Variants in CFH observed in about 807,000 individuals in gnomAD.
CFH encodes H factor 1 (complement).
A neutral mutation model predicts 147.3 loss-of-function variants in CFH; 53 were observed. The observed-to-expected ratio is 0.36, with a 90% CI of 0.29 to 0.45. The LOEUF (loss-of-function observed/expected upper bound fraction) is 0.45. CFH is among the 20% of genes least tolerant of loss of function. The pLI is 1.00. For synonymous variants in CFH, 536 were observed against 489.4 expected, an observed-to-expected ratio of 1.10 and a Z score of -1.26; for missense variants, 1,380 against 1,498.0, an observed-to-expected ratio of 0.92 and a Z score of 1.30.
intron 6 of CFH, 145 bp downstream of exon 6, chr1:196,679,938 G>A (rs910809081): frequency 2.6e-6 from 2 of 777,328 alleles, no homozygotes; most frequent in Non-Finnish European, 4.1e-6. Flanking sequence ...CATTTTCTGT[G>A]TTCAAGGTTC....
chr1:196,693,316 C>A (rs1254677202), intron 9 of CFH, among the ~76,000 whole-genome samples: 1 of 151,976 alleles, frequency 6.6e-6, no homozygotes, highest in Non-Finnish European at 1.5e-5. Flanking sequence ...AGATAAATCA[C>A]AGAATATCAA....
intron 9 of CFH, among the ~76,000 whole-genome samples, chr1:196,707,834 G>A (rs1668628842): frequency 6.6e-6 from 1 of 152,094 alleles, no homozygotes; most frequent in Admixed American, 6.6e-5. Context: ...AGCATAACAG[G>A]AATGTTTGTT....
chr1:196,659,343 T>A (rs1666828212), intron 1 of CFH, among the ~76,000 whole-genome samples: 1 of 152,184 alleles, frequency 6.6e-6, no homozygotes, highest in African/African-American at 2.4e-5. Context: ...TGCTATGGCA[T>A]GAGTTGATAA....
At position 196,726,838 on chromosome 1, in the gene CFH, G is replaced by A; in HGVS notation, c.2134G>A (p.Gly712Arg). The stretch of plus-strand genomic sequence containing the variant: ...GCTTTCTTCCCCTCCTTATTACTAT[G>A]GAGATTCAGTGGAATTCAATTGCTC... The part of the protein sequence containing the change: ...AQLSSPPYYY[G>R]DSVEFNCSES... Residue 712 changes from glycine (G) to arginine (R), a missense_variant, in exon 14 of 22, where the codon GGA becomes AGA. Coordinates refer to ENST00000367429, the MANE Select transcript of CFH (RefSeq NM_000186.4). 1 of 1,613,592 alleles carries A rather than the reference G, an allele frequency of 6.2e-7. No homozygotes were observed. The highest frequency in any genetic ancestry group is 8.5e-7 in the Non-Finnish European group (1 of 1,179,698).
rs777500056 is a variant in CFH, at chr1:196,747,096, G to A, written c.3494-15G>A. On this transcript the variant is annotated splice_polypyrimidine_tract_variant and intron_variant, in intron 21 of 21. Coordinates refer to ENST00000367429, the MANE Select transcript of CFH (RefSeq NM_000186.4). The stretch of plus-strand genomic sequence containing the variant: ...TACTACTTAATGTTTTATGTTTACT[G>A]TTTTTTATTTTCAGATCCGTGTGTA... 5 of 1,613,636 alleles carry A rather than the reference G, an allele frequency of 3.1e-6. No individual in the cohort carries two copies. The highest frequency in any genetic ancestry group is 3.4e-6 in the Non-Finnish European group (4 of 1,179,718).
intron 5 of CFH, 192 bp from the exon 6 acceptor site, chr1:196,679,431 A>G (rs753075782): frequency 1.0e-4 from 48 of 458,418 alleles, no homozygotes; most frequent in Non-Finnish European, 1.6e-4. Flanking sequence ...TAAAATCAGA[A>G]GCATAATTTT....
intron 2 of CFH, chr1:196,673,494 G>T: frequency 2.7e-6 from 1 of 372,338 alleles, no homozygotes; most frequent in Non-Finnish European, 5.0e-6. Context: ...GTGCCACCAC[G>T]CCCGGCTAAT....
In CFH at chr1:196,713,787, T is replaced by G; in HGVS notation, c.1389T>G (p.Ser463=). Residue 463 remains serine, a synonymous_variant, in exon 10 of 22, where the codon TCT becomes TCG. Coordinates refer to ENST00000367429, the MANE Select transcript of CFH (RefSeq NM_000186.4). The stretch of plus-strand genomic sequence containing the variant: ...TTGAGAATGGGTTTATTTCTGAATC[T>G]CAGTATACATATGCCTTAAAAGAAA... ...IDIENGFISE[S]QYTYALKEKA... The G allele has an allele frequency of 6.2e-7, 1 of 1,605,200 alleles. No individual in the cohort carries two copies. Among genetic ancestry groups the G allele is most frequent in the Non-Finnish European group, 8.5e-7 (1 of 1,172,502 alleles).
chr1:196,667,068 A>G (rs1179047672), intron 1 of CFH, among the ~76,000 whole-genome samples: 1 of 152,126 alleles, frequency 6.6e-6, no homozygotes. Flanking sequence ...TCTATTGGAT[A>G]TTGGAAACAG....
chr1:196,670,981 G>T (rs1315011787), intron 1 of CFH, among the ~76,000 whole-genome samples: 1 of 151,674 alleles, frequency 6.6e-6, no homozygotes, highest in Non-Finnish European at 1.5e-5. Context: ...TGTTTTGTTT[G>T]TTGTTGTTTA....
At chr1:196,668,574 T>TG (rs1454970092) in intron 1 of CFH, among the ~76,000 whole-genome samples, 2 of 152,146 alleles carry the variant, frequency 1.3e-5, no homozygotes, top group Non-Finnish European at 2.9e-5. Flanking sequence ...GACTGGATCA[T>TG]GGGGGTTGTT....
At chr1:196,720,280 T>A (rs1432313640) in intron 11 of CFH, among the ~76,000 whole-genome samples, 1 of 152,050 alleles carries the variant, frequency 6.6e-6, no homozygotes, top group Non-Finnish European at 1.5e-5. Context: ...TTTTTAAAAT[T>A]TTAATTTCTA....
intron 1 of CFH, among the ~76,000 whole-genome samples, chr1:196,653,837 T>G (rs1442127159): frequency 6.6e-6 from 1 of 152,118 alleles, no homozygotes; most frequent in Non-Finnish European, 1.5e-5. Context: ...GAAAATGATA[T>G]AAATCTGATT....
intron 9 of CFH, chr1:196,701,433 G>A (rs1287518587): frequency 2.0e-6 from 3 of 1,527,968 alleles, no homozygotes; most frequent in Non-Finnish European, 2.7e-6. Flanking sequence ...CTTGGGTCCT[G>A]AGTATGGTGA....
At chr1:196,710,388 T>C (rs1189952769) in intron 9 of CFH, among the ~76,000 whole-genome samples, 1 of 152,164 alleles carries the variant, frequency 6.6e-6, no homozygotes, top group Non-Finnish European at 1.5e-5. Context: ...CAAAATAGAA[T>C]AGAAGCTATT....
chr1:196,714,650 TATATATATATATATATATAG>T (rs1668810308), intron 10 of CFH, among the ~76,000 whole-genome samples: 2 of 46,454 alleles, frequency 4.3e-5, no homozygotes, highest in Non-Finnish European at 8.2e-5. Context: ...TATATATATA[TATATATATATATATATATAG>T]AGAGAGAGAG....
chr1:196,670,439 T>A (rs567555759), intron 1 of CFH, among the ~76,000 whole-genome samples: 2 of 152,150 alleles, frequency 1.3e-5, no homozygotes, highest in African/African-American at 4.8e-5. Flanking sequence ...AAGGACCCAG[T>A]GGGACGTGCT....
At position 196,673,044 on chromosome 1, in the gene CFH, A is replaced by T. The variant is rs182750499; in HGVS notation, c.125A>T (p.Tyr42Phe). 6.8e-6 allele frequency: 11 copies of T among 1,614,138 alleles called. No homozygotes were observed. The African/African-American group carries it at 1.5e-4, about 22-fold the overall frequency. ...ILTGSWSDQT[Y>F]PEGTQAIYKC... is the part of the protein sequence containing the mutation. ...ACAGGTTCCTGGTCTGACCAAACAT[A>T]TCCAGAAGGCACCCAGGCTATCTAT... The change falls in exon 2 of 22, where the codon TAT becomes TTT. Residue 42 changes from tyrosine to phenylalanine, a missense_variant. Tyr to Phe is a conservative substitution (Grantham distance 22, BLOSUM62 3). Coordinates refer to ENST00000367429, the MANE Select transcript of CFH (RefSeq NM_000186.4).
At chr1:196,707,162 A>C (rs1378349334) in intron 9 of CFH, among the ~76,000 whole-genome samples, 1 of 152,142 alleles carries the variant, frequency 6.6e-6, no homozygotes, top group Non-Finnish European at 1.5e-5. Context: ...CATACTATAT[A>C]AAACAAAACA....
Sources: allele counts gnomAD v4.1 joint callset (sites outside exome capture counted in the v4.1 genomes callset), GRCh38; gene constraint gnomAD v4.1.1; transcripts MANE v1.5; gene names NCBI Gene and HGNC (gene_info 2026-07-23, HGNC 2026-07-21).